The following LTBP1 variants were observed in gnomAD, a reference collection of about 807,000 sequenced individuals.
The protein encoded by LTBP1 is latent-transforming growth factor beta-binding protein 1.
LTBP1 carries 129 observed loss-of-function variants against 207.6 expected under a neutral mutation model. The observed-to-expected ratio is 0.62, with a 90% CI of 0.54 to 0.72. LTBP1 has a LOEUF of 0.72. Ranked by LOEUF, LTBP1 falls within the 30% of genes least tolerant of loss-of-function variation. The pLI, the probability that LTBP1 is intolerant of heterozygous loss-of-function variation, is 0.00. For missense variants in LTBP1, 2,281 were observed against 2,217.2 expected (o/e 1.03, Z -0.58); for synonymous variants, 963 against 833.7 (o/e 1.16, Z -2.67).
chr2:33,270,828 C>T (rs868702327), intron 15 of LTBP1, among the ~76,000 whole-genome samples: 4 of 152,126 alleles, frequency 2.6e-5, no homozygotes, highest in South Asian at 2.1e-4. Flanking sequence ...ACATGTTCAG[C>T]GTTTGCAAGC....
chr2:33,187,582 A>G (rs918850991), intron 6 of LTBP1, among the ~76,000 whole-genome samples: 1 of 152,212 alleles, frequency 6.6e-6, no homozygotes, highest in African/African-American at 2.4e-5. Context: ...AAATTCTATG[A>G]CGAATTCATC....
At chr2:33,367,702 A>C (rs937021545) in intron 31 of LTBP1, among the ~76,000 whole-genome samples, 1 of 152,150 alleles carries the variant, frequency 6.6e-6, no homozygotes, top group African/African-American at 2.4e-5. Context: ...GTTACGGCTT[A>C]GTGGTATTAC....
At chr2:33,156,418 A>G (rs116491941) in intron 5 of LTBP1, among the ~76,000 whole-genome samples, 2 of 152,236 alleles carry the variant, frequency 1.3e-5, no homozygotes, top group African/African-American at 2.4e-5. Context: ...ACTTTCTTCC[A>G]TCGCATCTGA....
At chr2:33,077,426 A>G (rs530494433) in intron 3 of LTBP1, among the ~76,000 whole-genome samples, 1 of 152,350 alleles carries the variant, frequency 6.6e-6, no homozygotes, top group South Asian at 2.1e-4. Flanking sequence ...GAAGCACGGC[A>G]GCATCTGCTT....
At chr2:33,258,797 T>A (rs1201508245) in intron 12 of LTBP1, among the ~76,000 whole-genome samples, 1 of 152,206 alleles carries the variant, frequency 6.6e-6, no homozygotes, top group Non-Finnish European at 1.5e-5. Context: ...GATTTAATGC[T>A]CCTGCCCAAC....
intron 22 of LTBP1, among the ~76,000 whole-genome samples, chr2:33,305,531 C>T (rs1024367654): frequency 6.6e-6 from 1 of 152,078 alleles, no homozygotes; most frequent in Non-Finnish European, 1.5e-5. Context: ...GATGCGGATG[C>T]CCGAGGAACC....
intron 26 of LTBP1, among the ~76,000 whole-genome samples, chr2:33,352,292 C>A (rs148771300): frequency 6.6e-6 from 1 of 152,024 alleles, no homozygotes; most frequent in Non-Finnish European, 1.5e-5. Flanking sequence ...CCACCACGCC[C>A]GGCTAATTTT....
At chr2:32,990,850 C>A (rs1023907750) in intron 2 of LTBP1, among the ~76,000 whole-genome samples, 4 of 152,062 alleles carry the variant, frequency 2.6e-5, no homozygotes, top group Non-Finnish European at 4.4e-5. Flanking sequence ...AAAAGTTTTC[C>A]ATGAAGAAAT....
At chr2:33,298,615 C>T (rs560135478) in intron 20 of LTBP1, among the ~76,000 whole-genome samples, 47 of 152,246 alleles carry the variant, frequency 3.1e-4, no homozygotes, top group African/African-American at 1.1e-3. Flanking sequence ...TTGCTGGCAA[C>T]CATTCCTAAA....
chr2:33,337,335 G>A (rs1487028646), intron 24 of LTBP1, among the ~76,000 whole-genome samples: 4 of 152,158 alleles, frequency 2.6e-5, no homozygotes, highest in Admixed American at 6.5e-5. Flanking sequence ...CCTCAAAAGC[G>A]TGGATCTATT....
intron 7 of LTBP1, among the ~76,000 whole-genome samples, chr2:33,189,364 G>A (rs2087582783): frequency 6.6e-6 from 1 of 152,042 alleles, no homozygotes. Flanking sequence ...CTCAGCTAAC[G>A]TTTATAATTT....
intron 20 of LTBP1, 119 bp downstream of exon 20, chr2:33,293,401 G>A: frequency 2.0e-6 from 2 of 984,632 alleles, no homozygotes; most frequent in Non-Finnish European, 2.9e-6. Context: ...GAGCGACTTA[G>A]AGCACATATT....
At chr2:33,212,408 A>G (rs766451297) in intron 7 of LTBP1, among the ~76,000 whole-genome samples, 6 of 152,222 alleles carry the variant, frequency 3.9e-5, no homozygotes, top group Admixed American at 2.6e-4. Flanking sequence ...CCGTCTGCCT[A>G]GACGCAGTCC....
intron 20 of LTBP1, among the ~76,000 whole-genome samples, chr2:33,296,638 T>C (rs2093880245): frequency 6.6e-6 from 1 of 152,174 alleles, no homozygotes; most frequent in Non-Finnish European, 1.5e-5. Flanking sequence ...CAGCTGAGCC[T>C]GGGAAAGATT....
At chr2:33,386,984 C>A (rs2095271417) in intron 31 of LTBP1, among the ~76,000 whole-genome samples, 1 of 152,132 alleles carries the variant, frequency 6.6e-6, no homozygotes, top group Non-Finnish European at 1.5e-5. Context: ...GTACGTGCCA[C>A]CATGCCCAGC....
chr2:33,056,392 T>C, intron 3 of LTBP1: 1 of 1,246,946 alleles, frequency 8.0e-7, no homozygotes, highest in Non-Finnish European at 1.1e-6. Flanking sequence ...GCCTGGATGT[T>C]AGGCAAAATG....
intron 10 of LTBP1, among the ~76,000 whole-genome samples, chr2:33,247,190 A>G (rs557659507): frequency 1.5e-3 from 230 of 152,332 alleles, no homozygotes; most frequent in African/African-American, 5.5e-3. Context: ...GGTTAGAGAG[A>G]AGATGTGCTC....
chr2:32,994,386 G>T (rs556045046), intron 2 of LTBP1, among the ~76,000 whole-genome samples: 1 of 152,056 alleles, frequency 6.6e-6, no homozygotes, highest in Admixed American at 6.6e-5. Context: ...CCTGCCCAAG[G>T]TGACACAGCC....
chr2:33,088,855 G>C (rs2078907614), intron 3 of LTBP1, among the ~76,000 whole-genome samples: 1 of 152,010 alleles, frequency 6.6e-6, no homozygotes, highest in African/African-American at 2.4e-5. Context: ...AAGTAGTTGT[G>C]CATTGAAAAT....
Sources: allele counts gnomAD v4.1 joint callset (sites outside exome capture counted in the v4.1 genomes callset), GRCh38; gene constraint gnomAD v4.1.1; transcripts MANE v1.5; gene names NCBI Gene and HGNC (gene_info 2026-07-23, HGNC 2026-07-21).